Variants in TCF7L2 observed in about 807,000 individuals in gnomAD.
TCF7L2 encodes transcription factor 7 like 2.
A neutral mutation model predicts 77.9 loss-of-function variants in TCF7L2; 23 were observed. The ratio of observed to expected loss-of-function variants is 0.30; its 90% CI spans 0.21 to 0.42. The LOEUF is 0.42. Among genes scored for constraint, TCF7L2 ranks in the 10% least tolerant of loss-of-function variants. The pLI is 1.00. For missense variants in TCF7L2, 654 were observed against 793.1 expected, an observed-to-expected ratio of 0.82 and a Z score of 2.11; for synonymous variants, 413 against 340.2, an observed-to-expected ratio of 1.21 and a Z score of -2.36.
intron 4 of TCF7L2, among the ~76,000 whole-genome samples, chr10:112,993,255 C>T (rs2042900529): frequency 6.6e-6 from 1 of 152,038 alleles, no homozygotes; most frequent in African/African-American, 2.4e-5. Context: ...CGCGGTGGCT[C>T]ATGCATGTAA....
chr10:113,164,715 C>A (rs530812493), intron 13 of TCF7L2, among the ~76,000 whole-genome samples: 2 of 152,262 alleles, frequency 1.3e-5, no homozygotes, highest in South Asian at 2.1e-4. Context: ...CCCCCTCCCC[C>A]ACCTTTGTTT....
chr10:113,054,087 T>G (rs1207943891), intron 5 of TCF7L2, among the ~76,000 whole-genome samples: 1 of 152,194 alleles, frequency 6.6e-6, no homozygotes, highest in Non-Finnish European at 1.5e-5. Context: ...TCTTTTGTGA[T>G]GCTGTTAGTT....
intron 5 of TCF7L2, among the ~76,000 whole-genome samples, chr10:113,041,336 C>T (rs902286808): frequency 2.0e-5 from 3 of 152,148 alleles, no homozygotes; most frequent in African/African-American, 4.8e-5. Flanking sequence ...AAAATGGATG[C>T]TCATAATTAC....
intron 4 of TCF7L2, among the ~76,000 whole-genome samples, chr10:113,003,742 T>C (rs551193909): frequency 1.0e-3 from 159 of 152,314 alleles, no homozygotes; most frequent in African/African-American, 3.6e-3. Context: ...GGGAACTTGC[T>C]TGAGGTCCCA....
At chr10:113,022,507 G>C (rs1295168574) in intron 4 of TCF7L2, among the ~76,000 whole-genome samples, 2 of 152,160 alleles carry the variant, frequency 1.3e-5, no homozygotes, top group East Asian at 3.8e-4. Context: ...TAGGGGCCAG[G>C]CTGGTTAACT....
intron 5 of TCF7L2, among the ~76,000 whole-genome samples, chr10:113,077,747 CT>C (rs1462871068): frequency 2.0e-5 from 3 of 146,952 alleles, no homozygotes; most frequent in Non-Finnish European, 4.5e-5. Context: ...GTCGCCCAGG[CT>C]GGAGTGCAGT....
chr10:113,051,086 C>T (rs1267701466), intron 5 of TCF7L2, among the ~76,000 whole-genome samples: 2 of 151,734 alleles, frequency 1.3e-5, no homozygotes, highest in Admixed American at 6.6e-5. Context: ...CCACTCGGTT[C>T]TGTTGCACAT....
At chr10:113,093,320 T>A (rs1471526264) in intron 5 of TCF7L2, among the ~76,000 whole-genome samples, 3 of 151,994 alleles carry the variant, frequency 2.0e-5, no homozygotes, top group Non-Finnish European at 4.4e-5. Flanking sequence ...AGCTGAAGGG[T>A]GAGAGCTATA....
At chr10:113,063,693 G>A (rs891081749) in intron 5 of TCF7L2, among the ~76,000 whole-genome samples, 2 of 152,118 alleles carry the variant, frequency 1.3e-5, no homozygotes, top group Non-Finnish European at 2.9e-5. Flanking sequence ...CCCCACACCC[G>A]GGTGATTCCT....
At chr10:113,039,567 T>C (rs1441066590) in intron 4 of TCF7L2, among the ~76,000 whole-genome samples, 5 of 152,204 alleles carry the variant, frequency 3.3e-5, no homozygotes, top group Non-Finnish European at 7.3e-5. Flanking sequence ...AAGTGAAGGA[T>C]GATGACATTT....
Position 113,166,819 on chromosome 10 carries a change from T to C in TCF7L2, c.*847T>C. On this transcript the variant is annotated 3_prime_UTR_variant, in exon 14 of 14. Coordinates refer to ENST00000627217, the MANE Select transcript of TCF7L2 (RefSeq NM_001146274.2). The stretch of plus-strand genomic sequence containing the variant: ...TATATATATTTTTGTTTCCCCTTTT[T>C]GACTTTTTTTTTTCTGTATGAAACC... 1 of 229,188 alleles carries C rather than the reference T, an allele frequency of 4.4e-6. No homozygotes were observed. Among genetic ancestry groups the C allele is most frequent in the East Asian group, 6.3e-5 (1 of 15,910 alleles). The allele number at this position is 229,188 out of a possible 1,614,324, so 14.2% of individuals were successfully genotyped here.
chr10:113,087,425 A>G (rs1468253622), intron 5 of TCF7L2, among the ~76,000 whole-genome samples: 1 of 152,238 alleles, frequency 6.6e-6, no homozygotes, highest in Non-Finnish European at 1.5e-5. Context: ...TCTAGAAACA[A>G]TTGGAGGGCT....
chr10:113,148,333 C>T (rs992803956), intron 8 of TCF7L2, among the ~76,000 whole-genome samples: 1 of 152,070 alleles, frequency 6.6e-6, no homozygotes, highest in Non-Finnish European at 1.5e-5. Flanking sequence ...TCAAAGGGAG[C>T]GAGATCATGT....
intron 4 of TCF7L2, 100 bp from the exon 5 acceptor site, chr10:113,039,925 C>T: frequency 1.0e-6 from 1 of 957,290 alleles, no homozygotes; most frequent in South Asian, 1.7e-5. Flanking sequence ...GTATGTTTTT[C>T]AGTTTCTGAC....
intron 5 of TCF7L2, among the ~76,000 whole-genome samples, chr10:113,055,642 G>T (rs947054973): frequency 6.6e-6 from 1 of 152,202 alleles, no homozygotes; most frequent in Non-Finnish European, 1.5e-5. Flanking sequence ...TCACAGGAAA[G>T]AGCATAGTAT....
chr10:113,044,094 C>T (rs2052986902), intron 5 of TCF7L2, among the ~76,000 whole-genome samples: 1 of 152,036 alleles, frequency 6.6e-6, no homozygotes, highest in South Asian at 2.1e-4. Context: ...ATTTTTTGTA[C>T]TTCTTGGTCT....
intron 5 of TCF7L2, among the ~76,000 whole-genome samples, chr10:113,060,290 C>G (rs918398075): frequency 6.6e-6 from 1 of 152,136 alleles, no homozygotes; most frequent in African/African-American, 2.4e-5. Context: ...TTACTTGATT[C>G]GAGAAACAAA....
rs746047660 is a variant in TCF7L2 at position 113,144,088 on chromosome 10, C to CTGTG, written c.788+71_788+74dup. The stretch of plus-strand genomic sequence containing the variant: ...TACATGGGCATGTTTATTATTTATT[C>CTGTG]TGTGTGTGTGTCTGTGTGTGTGTGT... On this transcript the variant is annotated intron_variant, in intron 7 of 13. Coordinates refer to ENST00000627217, the MANE Select transcript of TCF7L2 (RefSeq NM_001146274.2). The CTGTG allele has an allele frequency of 5.0e-5, 63 of 1,261,994 alleles. No homozygotes were observed. In the African/African-American group the frequency reaches 9.2e-4, roughly 18 times the overall value. The allele number at this position is 1,261,994 out of a possible 1,614,324, so 78.2% of individuals were successfully genotyped here. A position where few individuals can be genotyped will look rare whatever the true frequency, so the allele number is the denominator to read the frequency against.
At chr10:113,160,476 C>A in intron 12 of TCF7L2, 1 of 560,736 alleles carries the variant, frequency 1.8e-6, no homozygotes, top group Non-Finnish European at 2.9e-6. Flanking sequence ...GAAGTCCTTT[C>A]CTTTCATGTC....
Sources: allele counts gnomAD v4.1 joint callset (sites outside exome capture counted in the v4.1 genomes callset), GRCh38; gene constraint gnomAD v4.1.1; transcripts MANE v1.5; gene names NCBI Gene and HGNC (gene_info 2026-07-23, HGNC 2026-07-21).